The following B4GALNT3 variants were observed in gnomAD, a reference collection of about 807,000 sequenced individuals.
B4GALNT3 encodes the protein beta-1,4-N-acetyl-galactosaminyltransferase 3.
A neutral mutation model predicts 120.2 loss-of-function variants in B4GALNT3; 86 were observed. That is an observed-to-expected ratio of 0.72 (90% confidence interval 0.60 to 0.86). The LOEUF (loss-of-function observed/expected upper bound fraction) is 0.86. B4GALNT3 is among the 40% of genes least tolerant of loss of function. The pLI is 0.00. For synonymous variants in B4GALNT3, 518 were observed against 510.4 expected, an observed-to-expected ratio of 1.01 and a Z score of -0.20; for missense variants, 1,167 against 1,298.9, an observed-to-expected ratio of 0.90 and a Z score of 1.56.
chr12:559,311 T>C lies in B4GALNT3; in HGVS notation c.2778T>C (p.Asn926=). The change falls in exon 19 of 20, where the codon AAT becomes AAC. Residue 926 remains asparagine (N), a synonymous_variant. Transcript: ENST00000266383. ...PQWPEGYWEV[N]GFGLLGIYKS... is the part of the protein sequence containing the mutation. Reference sequence around the variant, plus strand: ...TGTCCACAGGCTACTGGGAGGTGAATGGGTTCGGGCTGCTTGGCATCTACA... The same window carrying C: ...TGTCCACAGGCTACTGGGAGGTGAACGGGTTCGGGCTGCTTGGCATCTACA... The C allele has an allele frequency of 6.2e-7, 1 of 1,613,864 alleles. No individual in the cohort carries two copies. The highest frequency in any genetic ancestry group is 8.5e-7 in the Non-Finnish European group (1 of 1,179,916).
chr12:544,465 C>T (rs367723610), intron 4 of B4GALNT3, 31 bp downstream of exon 4: 127 of 1,567,702 alleles, frequency 8.1e-5, no homozygotes, highest in Non-Finnish European at 1.1e-4. Context: ...TTGCCCACCT[C>T]CCTCCACACC....
At chr12:474,185 C>T (rs1172385391) in intron 1 of B4GALNT3, among the ~76,000 whole-genome samples, 1 of 152,176 alleles carries the variant, frequency 6.6e-6, no homozygotes. Context: ...AGTTTTCTAC[C>T]AGGAGTGCTT....
chr12:512,282 A>G (rs1200286347), intron 1 of B4GALNT3, among the ~76,000 whole-genome samples: 2 of 58,896 alleles, frequency 3.4e-5, no homozygotes, highest in African/African-American at 1.1e-4. Context: ...TCCACCTTCC[A>G]CCTTCCACCT....
chr12:467,226 G>A (rs1025165642), intron 1 of B4GALNT3, among the ~76,000 whole-genome samples: 16 of 152,102 alleles, frequency 1.1e-4, no homozygotes, highest in Admixed American at 7.2e-4. Context: ...GTGAGCCACT[G>A]TGCTCGGCCT....
chr12:460,542 C>T lies in B4GALNT3; in HGVS notation c.166C>T (p.Arg56Trp). ...CCAGGTCGGCGGGAACCCCCTGAAC[C>T]GGAGTAAGTAGCACCCAGGGGAGGC... ...SAQVGGNPLN[R>W]RYGSWRELAK... is the part of the protein sequence containing the mutation. Residue 56 changes from arginine (R) to tryptophan (W), a missense_variant, in exon 1 of 20, where the codon CGG becomes TGG. Physicochemically the swap from Arg to Trp is moderately radical, Grantham distance 101. Coordinates refer to ENST00000266383, the MANE Select transcript of B4GALNT3 (RefSeq NM_173593.4). The surrounding 1 kb of genome is among the most constrained non-coding windows in gnomAD (Gnocchi z 8.0). 4 of 1,500,374 alleles carry T rather than the reference C, an allele frequency of 2.7e-6. No homozygotes were observed. The highest frequency in any genetic ancestry group is 1.4e-5 in the African/African-American group (1 of 70,326). The allele number at this position is 1,500,374 out of a possible 1,614,324, so 92.9% of individuals were successfully genotyped here. A position where few individuals can be genotyped will look rare whatever the true frequency, so the allele number is the denominator to read the frequency against.
intron 1 of B4GALNT3, among the ~76,000 whole-genome samples, chr12:496,161 G>T (rs1018343927): frequency 6.6e-6 from 1 of 152,060 alleles, no homozygotes; most frequent in Non-Finnish European, 1.5e-5. Flanking sequence ...TGGAATTCGC[G>T]AACAAATGGT....
At chr12:490,585 C>G (rs147596172) in intron 1 of B4GALNT3, among the ~76,000 whole-genome samples, 100 of 152,224 alleles carry the variant, frequency 6.6e-4, no homozygotes, top group Middle Eastern at 3.4e-3. Flanking sequence ...CAAAAATTAT[C>G]TGGGCATAGT....
At chr12:476,181 A>G (rs1468375087) in intron 1 of B4GALNT3, among the ~76,000 whole-genome samples, 2 of 151,880 alleles carry the variant, frequency 1.3e-5, no homozygotes, top group African/African-American at 4.8e-5. Flanking sequence ...CTTCTCTGTA[A>G]AATGGGACTA....
intron 1 of B4GALNT3, among the ~76,000 whole-genome samples, chr12:492,037 A>G (rs1946344961): frequency 6.8e-6 from 1 of 147,366 alleles, no homozygotes; most frequent in African/African-American, 2.5e-5. Flanking sequence ...CAGTTTGGGC[A>G]CCAGAACGAG....
intron 9 of B4GALNT3, 141 bp from the exon 10 acceptor site, chr12:549,628 G>A: frequency 9.3e-7 from 1 of 1,079,148 alleles, no homozygotes; most frequent in South Asian, 1.6e-5. Flanking sequence ...GGGGGCCAGA[G>A]GGAGTGTGGC....
At chr12:497,637 G>A (rs146612188) in intron 1 of B4GALNT3, among the ~76,000 whole-genome samples, 147 of 152,260 alleles carry the variant, frequency 9.7e-4, no homozygotes, top group Middle Eastern at 3.4e-3. Context: ...ACCCAGGAGC[G>A]GAATTCCTGG....
At chr12:543,317 C>G (rs2120686321) in intron 3 of B4GALNT3, 1 of 845,734 alleles carries the variant, frequency 1.2e-6, no homozygotes, top group African/African-American at 1.7e-5. Context: ...AGCTGAGGAG[C>G]TGGGATGGGC....
At chr12:510,599 T>A (rs1946538184) in intron 1 of B4GALNT3, among the ~76,000 whole-genome samples, 1 of 128,596 alleles carries the variant, frequency 7.8e-6, no homozygotes, top group Non-Finnish European at 1.6e-5. Context: ...GTTTAATAAG[T>A]AAACGGTCTG....
At chr12:469,251 G>A (rs1041304465) in intron 1 of B4GALNT3, among the ~76,000 whole-genome samples, 2 of 152,094 alleles carry the variant, frequency 1.3e-5, no homozygotes, top group South Asian at 2.1e-4. Context: ...TGTAAGTCTC[G>A]GGAGCCTTGT....
At chr12:510,979 G>A (rs1264935271) in intron 1 of B4GALNT3, among the ~76,000 whole-genome samples, 1 of 132,084 alleles carries the variant, frequency 7.6e-6, no homozygotes, top group African/African-American at 2.8e-5. Flanking sequence ...CTGGAACCAC[G>A]ACTCTCCTTT....
rs1433620054 is a variant in B4GALNT3 at position 563,100 on chromosome 12, A to T, written c.*1649A>T. On this transcript the variant is annotated 3_prime_UTR_variant, in exon 20 of 20. Transcript: ENST00000266383. ...AGACTTTTGAGATTGTGGCTTAGGA[A>T]GGCCATACCTGCTCCCTGGGCTGTG... The T allele has an allele frequency of 6.6e-6, 1 of 152,438 alleles. No homozygotes were observed. The highest frequency in any genetic ancestry group is 1.5e-5 in the Non-Finnish European group (1 of 68,204). 9.4% of individuals were successfully genotyped at this position (152,438 alleles called of 1,614,324 possible).
intron 1 of B4GALNT3, among the ~76,000 whole-genome samples, chr12:500,865 C>CTTTTTTTTTTTTCTTTT (rs1946433627): frequency 1.6e-5 from 1 of 61,830 alleles, no homozygotes; most frequent in African/African-American, 7.5e-5. Flanking sequence ...GGCTCCACTG[C>CTTTTTTTTTTTTCTTTT]TTTTTTTTTT....
intron 1 of B4GALNT3, among the ~76,000 whole-genome samples, chr12:511,124 A>C (rs999365772): frequency 1.4e-5 from 2 of 138,268 alleles, no homozygotes; most frequent in East Asian, 2.2e-4. Context: ...CTGCCTGCCA[A>C]GCTCAAGGTA....
At chr12:542,768 C>A (rs556170133) in intron 3 of B4GALNT3, among the ~76,000 whole-genome samples, 1 of 152,214 alleles carries the variant, frequency 6.6e-6, no homozygotes, top group Non-Finnish European at 1.5e-5. Context: ...GGCACTGCCC[C>A]GAGGCTGTCC....
Sources: allele counts gnomAD v4.1 joint callset (sites outside exome capture counted in the v4.1 genomes callset), GRCh38; gene constraint gnomAD v4.1.1; non-coding constraint Gnocchi (gnomAD v3.1); transcripts MANE v1.5; gene names NCBI Gene and HGNC (gene_info 2026-07-23, HGNC 2026-07-21).